The following MTRES1 variants were observed in gnomAD, a reference collection of about 807,000 sequenced individuals.
MTRES1 encodes uncharacterized protein C6orf203.
In MTRES1, 11 loss-of-function variants were observed where a neutral mutation model predicts 17.4. The ratio of observed to expected loss-of-function variants is 0.63; its 90% CI spans 0.40 to 1.05. The LOEUF is 1.05. MTRES1 is among the 50% of genes least tolerant of loss of function. MTRES1 has a pLI of 0.00. For synonymous variants in MTRES1, 94 were observed against 99.6 expected (o/e 0.94, Z 0.34); for missense variants, 268 against 276.2 (o/e 0.97, Z 0.21).
intron 1 of MTRES1, among the ~76,000 whole-genome samples, chr6:107,038,972 T>C (rs1296137781): frequency 6.6e-6 from 1 of 152,070 alleles, no homozygotes; most frequent in Admixed American, 6.6e-5. Context: ...GAAAATAGCT[T>C]GAACCCAGGA....
At chr6:107,029,190 T>TG (rs1554226088) in intron 1 of MTRES1, among the ~76,000 whole-genome samples, 3 of 133,396 alleles carry the variant, frequency 2.2e-5, no homozygotes, top group Non-Finnish European at 4.8e-5. Context: ...CACACCCGGC[T>TG]ATTTTTTTTT....
Position 107,035,596 on chromosome 6 carries a change from A to G in MTRES1, c.-12-4153A>G, listed in dbSNP as rs114123090. Among the ~76,000 whole-genome samples the G allele has an allele frequency of 4.3e-3, 662 of 152,278 alleles. 1 individual carries two copies. The highest frequency in any genetic ancestry group is 0.015 in the African/African-American group (633 of 41,566). ...TTTTTCTTCAGATTTTACATTGTGA[A>G]GGATCTATGCCAAAATCTTACAGTG... On this transcript the variant is annotated intron_variant, in intron 1 of 3. Transcript: ENST00000311381.
At chr6:107,038,393 G>A (rs1554227146) in intron 1 of MTRES1, among the ~76,000 whole-genome samples, 1 of 152,160 alleles carries the variant, frequency 6.6e-6, no homozygotes, top group African/African-American at 2.4e-5. Flanking sequence ...GGGGGTGAGT[G>A]TGAGTCTGCC....
chr6:107,049,720 CTTTT>C (rs66581737), intron 3 of MTRES1, among the ~76,000 whole-genome samples: 5 of 98,814 alleles, frequency 5.1e-5, no homozygotes, highest in Admixed American at 1.1e-4. Flanking sequence ...GCCGGCCCTT[CTTTT>C]TTTTTTTTTT....
chr6:107,044,222 C>T lies in MTRES1; in HGVS notation c.471-38C>T, dbSNP rs782540297. ...GTCTGGGCTTGAGTGTACCCATCAC[C>T]CAAATTGTGTACATTGTTGCTTTTT... On this transcript the variant is annotated intron_variant, in intron 2 of 3. Coordinates refer to ENST00000311381, the MANE Select transcript of MTRES1 (RefSeq NM_016487.5). The T allele has an allele frequency of 5.2e-6, 8 of 1,532,494 alleles. No individual in the cohort carries two copies. The South Asian group carries it at 9.0e-5, about 17-fold the overall frequency. The allele number at this position is 1,532,494 out of a possible 1,614,324, so 94.9% of individuals were successfully genotyped here.
intron 2 of MTRES1, among the ~76,000 whole-genome samples, 182 bp from the exon 3 acceptor site, chr6:107,044,078 C>T (rs781823659): frequency 1.3e-5 from 2 of 152,106 alleles, no homozygotes; most frequent in Non-Finnish European, 2.9e-5. Context: ...GCCGAGATGG[C>T]GCCACTGCAC....
chr6:107,041,571 G>A (rs1227060971), intron 2 of MTRES1, among the ~76,000 whole-genome samples: 1 of 152,072 alleles, frequency 6.6e-6, no homozygotes. Flanking sequence ...TGTTGCCCAG[G>A]CTGGAGTGCC....
At chr6:107,030,055 G>A (rs782764148) in intron 1 of MTRES1, 11 of 717,464 alleles carry the variant, frequency 1.5e-5, no homozygotes, top group South Asian at 5.9e-5. Context: ...AGGAATCTTC[G>A]TATTTTTTTC....
At chr6:107,044,472 G>A (rs782238823) in intron 3 of MTRES1, 140 bp downstream of exon 3, 40 of 671,484 alleles carry the variant, frequency 6.0e-5, no homozygotes, top group Admixed American at 3.0e-4. Context: ...TCAAGCTGGT[G>A]GGAATCAGCT....
intron 1 of MTRES1, among the ~76,000 whole-genome samples, chr6:107,033,824 A>G (rs1448613730): frequency 6.6e-6 from 1 of 151,744 alleles, no homozygotes; most frequent in African/African-American, 2.4e-5. Context: ...TCTCAAAAAT[A>G]ATAATAATAA....
At chr6:107,032,079 A>G (rs1773864387) in intron 1 of MTRES1, among the ~76,000 whole-genome samples, 1 of 152,194 alleles carries the variant, frequency 6.6e-6, no homozygotes. Context: ...AAGGAGTGGA[A>G]TTGAGGAGAG....
At chr6:107,031,993 T>C (rs1773861979) in intron 1 of MTRES1, among the ~76,000 whole-genome samples, 1 of 151,932 alleles carries the variant, frequency 6.6e-6, no homozygotes, top group Admixed American at 6.6e-5. Context: ...AAGAGAGGCG[T>C]GATCGGTTTT....
chr6:107,029,636 A>G (rs1773766552), intron 1 of MTRES1, among the ~76,000 whole-genome samples: 1 of 151,330 alleles, frequency 6.6e-6, no homozygotes, highest in South Asian at 2.1e-4. Flanking sequence ...GGTGTGCACC[A>G]CCACGCTTGG....
At chr6:107,035,416 A>G (rs1375146953) in intron 1 of MTRES1, among the ~76,000 whole-genome samples, 1 of 152,096 alleles carries the variant, frequency 6.6e-6, no homozygotes, top group Non-Finnish European at 1.5e-5. Flanking sequence ...GGCATGAGCC[A>G]CCTAAGTAAA....
intron 3 of MTRES1, among the ~76,000 whole-genome samples, chr6:107,047,955 T>C (rs148386580): frequency 6.6e-6 from 1 of 152,226 alleles, no homozygotes; most frequent in African/African-American, 2.4e-5. Context: ...TCGCAGCCAC[T>C]TGGGAGGCTG....
chr6:107,044,271 A>T lies in MTRES1; in HGVS notation c.482A>T (p.Asp161Val), dbSNP rs782275862. 1 of 1,613,938 alleles carries T rather than the reference A, an allele frequency of 6.2e-7. No homozygotes were observed. The highest frequency in any genetic ancestry group is 1.1e-5 in the South Asian group (1 of 91,062). The change falls in exon 3 of 4, where the codon GAT becomes GTT. Residue 161 changes from aspartate to valine, a missense_variant. Coordinates refer to ENST00000311381, the MANE Select transcript of MTRES1 (RefSeq NM_016487.5). Reference protein sequence around the residue: ...GLDIGRNKVEDAFYKGELRLN... With the variant: ...GLDIGRNKVEVAFYKGELRLN... Reference sequence around the variant, plus strand: ...TTTTTGTTTTGTAGCAAAGTGGAAGATGCTTTCTACAAAGGTGAACTCAGG... The same window carrying T: ...TTTTTGTTTTGTAGCAAAGTGGAAGTTGCTTTCTACAAAGGTGAACTCAGG...
intron 1 of MTRES1, among the ~76,000 whole-genome samples, chr6:107,038,941 C>G (rs1774094991): frequency 6.6e-6 from 1 of 152,048 alleles, no homozygotes; most frequent in Non-Finnish European, 1.5e-5. Context: ...GTAATTACAG[C>G]TACTGGGGAG....
chr6:107,034,143 T>C (rs1773931336), intron 1 of MTRES1, among the ~76,000 whole-genome samples: 1 of 152,146 alleles, frequency 6.6e-6, no homozygotes, highest in Admixed American at 6.6e-5. Flanking sequence ...CAAGGAAAGG[T>C]TTCCTAATGC....
At chr6:107,041,464 T>C (rs1174967420) in intron 2 of MTRES1, among the ~76,000 whole-genome samples, 1 of 152,190 alleles carries the variant, frequency 6.6e-6, no homozygotes, top group Non-Finnish European at 1.5e-5. Context: ...ATGTTGGCTA[T>C]TTTGAAGAAA....
Sources: gnomAD v4.1 joint callset for allele counts (sites outside exome capture counted in the v4.1 genomes callset) on GRCh38, gnomAD v4.1.1 for gene constraint, MANE v1.5 for transcripts, NCBI Gene and HGNC (gene_info 2026-07-23, HGNC 2026-07-21) for gene names.